Variants in SLC4A4 observed in about 807,000 individuals in gnomAD.
The protein encoded by SLC4A4 is solute carrier family 4 member 4.
In SLC4A4, 27 loss-of-function variants were observed where a neutral mutation model predicts 111.5. The ratio of observed to expected loss-of-function variants is 0.24; its 90% CI spans 0.18 to 0.33. The LOEUF (loss-of-function observed/expected upper bound fraction) is 0.33. SLC4A4 is among the 10% of genes least tolerant of loss of function. SLC4A4 has a pLI of 1.00. For missense variants in SLC4A4, 909 were observed against 1,315.5 expected (o/e 0.69, Z 4.78); for synonymous variants, 443 against 463.4 (o/e 0.96, Z 0.57).
chr4:71,244,399 A>G (rs1470126809), intron 2 of SLC4A4, among the ~76,000 whole-genome samples: 2 of 152,296 alleles, frequency 1.3e-5, no homozygotes, highest in South Asian at 4.1e-4. Context: ...GAAATGCTCT[A>G]AGAATTTTTG....
At chr4:71,393,013 T>A (rs546880385) in intron 6 of SLC4A4, among the ~76,000 whole-genome samples, 3 of 152,214 alleles carry the variant, frequency 2.0e-5, no homozygotes, top group African/African-American at 7.2e-5. Context: ...ACAAGGGACG[T>A]ACCTCAATGT....
At chr4:71,508,950 T>C (rs1731660270) in intron 16 of SLC4A4, among the ~76,000 whole-genome samples, 1 of 152,136 alleles carries the variant, frequency 6.6e-6, no homozygotes, top group Non-Finnish European at 1.5e-5. Flanking sequence ...TGGTTCAACA[T>C]ATACAAATCA....
intron 1 of SLC4A4, among the ~76,000 whole-genome samples, chr4:71,193,296 A>T (rs10008500): frequency 0.69 from 105,020 of 151,810 alleles, 40,721 homozygotes; most frequent in Non-Finnish European, 0.88. Context: ...AGTAGCTGGG[A>T]CTACAGGTGC....
intron 11 of SLC4A4, 83 bp downstream of exon 11, chr4:71,451,384 T>C (rs907506950): frequency 4.4e-6 from 4 of 910,134 alleles, no homozygotes; most frequent in Non-Finnish European, 7.3e-6. Context: ...TATTATTCAC[T>C]AGTTTGTTCA....
chr4:71,115,982 C>T (rs1281099573), intron 2 of SLC4A4, among the ~76,000 whole-genome samples: 1 of 152,230 alleles, frequency 6.6e-6, no homozygotes, highest in Non-Finnish European at 1.5e-5. Context: ...GCAACATCCA[C>T]CTCCCAGGTT....
intron 2 of SLC4A4, among the ~76,000 whole-genome samples, chr4:71,115,973 C>CA (rs1441595687): frequency 6.6e-6 from 1 of 152,206 alleles, no homozygotes; most frequent in East Asian, 1.9e-4. Context: ...CGGCTCACTG[C>CA]AACATCCACC....
At chr4:71,485,103 C>T (rs767235704) in intron 14 of SLC4A4, among the ~76,000 whole-genome samples, 49 of 151,762 alleles carry the variant, frequency 3.2e-4, no homozygotes, top group Non-Finnish European at 5.6e-4. Context: ...GTTTGACTTC[C>T]TCTCTTCCTA....
At chr4:71,308,375 C>T (rs1725856570) in intron 3 of SLC4A4, among the ~76,000 whole-genome samples, 1 of 152,122 alleles carries the variant, frequency 6.6e-6, no homozygotes, top group Non-Finnish European at 1.5e-5. Flanking sequence ...ATCCAGAGCA[C>T]TATAGTGTGC....
chr4:71,148,765 A>G (rs934840606), intron 2 of SLC4A4, among the ~76,000 whole-genome samples: 3 of 152,148 alleles, frequency 2.0e-5, no homozygotes, highest in Non-Finnish European at 2.9e-5. Context: ...TCCACAGTGT[A>G]TGTGTACCAC....
At chr4:71,283,537 A>G (rs1270844914) in intron 3 of SLC4A4, among the ~76,000 whole-genome samples, 34 of 152,196 alleles carry the variant, frequency 2.2e-4, no homozygotes, top group Admixed American at 2.2e-3. Context: ...TGCCAGGTCC[A>G]TAGCCTCGTT....
intron 15 of SLC4A4, among the ~76,000 whole-genome samples, chr4:71,490,705 A>AT (rs1456490285): frequency 1.3e-5 from 2 of 151,828 alleles, no homozygotes; most frequent in East Asian, 3.9e-4. Flanking sequence ...TCCAACCCCC[A>AT]GTCTTTCGTG....
At chr4:71,468,794 C>A (rs190439762) in intron 13 of SLC4A4, among the ~76,000 whole-genome samples, 8 of 151,600 alleles carry the variant, frequency 5.3e-5, no homozygotes, top group East Asian at 1.9e-4. Flanking sequence ...CTATATACCC[C>A]CCTCTTGGTA....
At position 71,522,923 on chromosome 4, in the gene SLC4A4, G is replaced by C. The variant is rs188890552; in HGVS notation, c.2167-9139G>C. Among the ~76,000 whole-genome samples the C allele has an allele frequency of 4.3e-4, 66 of 152,210 alleles. 1 individual carries two copies. In the East Asian group the frequency reaches 9.9e-3, roughly 23 times the overall value. On this transcript the variant is annotated intron_variant, in intron 16 of 25. Transcript: ENST00000264485. ...TAGGTGACAGCATTTAGTTTTTATTGATGTAAGACACAGGAAAGTCTAGAA... is the reference window on the plus strand; with the variant it reads ...TAGGTGACAGCATTTAGTTTTTATTCATGTAAGACACAGGAAAGTCTAGAA...
intron 2 of SLC4A4, among the ~76,000 whole-genome samples, chr4:71,159,031 TAAC>T (rs201174604): frequency 9.2e-5 from 14 of 152,190 alleles, no homozygotes; most frequent in Admixed American, 2.0e-4. Flanking sequence ...AAAAATAAAA[TAAC>T]AAAGTGAAAA....
rs541306364 is a variant in SLC4A4, at chr4:71,528,328, G to A, written c.2167-3734G>A. 6.6e-5 allele frequency among the ~76,000 whole-genome samples: 10 copies of A among 152,102 alleles called. No homozygotes were observed. In the East Asian group the frequency reaches 1.9e-3, roughly 29 times the overall value. On this transcript the variant is annotated intron_variant, in intron 16 of 25. Coordinates refer to ENST00000264485, the MANE Select transcript of SLC4A4 (RefSeq NM_001098484.3). Reference sequence around the variant, plus strand: ...TCTGTGTAGGCTCTGTATTAAATATGAGAGTTCAGAATGGAGTAAGAAATT... The same window carrying A: ...TCTGTGTAGGCTCTGTATTAAATATAAGAGTTCAGAATGGAGTAAGAAATT...
intron 16 of SLC4A4, among the ~76,000 whole-genome samples, chr4:71,518,483 G>T (rs1382477922): frequency 6.7e-6 from 1 of 149,876 alleles, no homozygotes; most frequent in Non-Finnish European, 1.5e-5. Context: ...GAAGTCTGGG[G>T]CTCTCTGGGC....
At chr4:71,158,970 G>T (rs1386335854) in intron 2 of SLC4A4, among the ~76,000 whole-genome samples, 1 of 152,094 alleles carries the variant, frequency 6.6e-6, no homozygotes, top group African/African-American at 2.4e-5. Context: ...TACCTGGGTG[G>T]ATTTCGCAGT....
chr4:71,459,588 C>G (rs534225075), intron 12 of SLC4A4, among the ~76,000 whole-genome samples: 1 of 151,988 alleles, frequency 6.6e-6, no homozygotes, highest in Non-Finnish European at 1.5e-5. Context: ...TATAACAGAG[C>G]CCCTCTTAGT....
intron 2 of SLC4A4, among the ~76,000 whole-genome samples, chr4:71,106,786 G>T (rs1278707168): frequency 9.3e-6 from 1 of 108,038 alleles, no homozygotes; most frequent in East Asian, 3.5e-4. Flanking sequence ...GGTGGGGGGA[G>T]GGGGGAGGGA....
Sources: allele counts gnomAD v4.1 joint callset (sites outside exome capture counted in the v4.1 genomes callset), GRCh38; gene constraint gnomAD v4.1.1; transcripts MANE v1.5; gene names NCBI Gene and HGNC (gene_info 2026-07-23, HGNC 2026-07-21).